Variants in ZNF169 observed in about 807,000 individuals in gnomAD.
ZNF169 encodes the protein zinc finger protein 169.
A neutral mutation model predicts 12.0 loss-of-function variants in ZNF169; 11 were observed. The observed-to-expected ratio is 0.92, with a 90% confidence interval of 0.58 to 1.52. The LOEUF is 1.52. Ranked by LOEUF, ZNF169 falls within the 40% of genes most tolerant of loss-of-function variation. The pLI, the probability that ZNF169 is intolerant of heterozygous loss-of-function variation, is 0.00. For synonymous variants in ZNF169, 302 were observed against 286.5 expected, an observed-to-expected ratio of 1.05 and a Z score of -0.55; for missense variants, 722 against 744.0, an observed-to-expected ratio of 0.97 and a Z score of 0.34.
At chr9:94,277,162 G>A (rs1291042594) in intron 1 of ZNF169, among the ~76,000 whole-genome samples, 1 of 152,150 alleles carries the variant, frequency 6.6e-6, no homozygotes, top group African/African-American at 2.4e-5. Context: ...ACATTTTCTG[G>A]TTGACGGTTG....
chr9:94,284,936 A>G (rs1830696587), intron 2 of ZNF169, among the ~76,000 whole-genome samples: 1 of 152,176 alleles, frequency 6.6e-6, no homozygotes, highest in African/African-American at 2.4e-5. Context: ...ACAATCTTGA[A>G]AAAGAAAACA....
chr9:94,287,545 T>C (rs531139349), intron 2 of ZNF169, among the ~76,000 whole-genome samples: 1 of 152,268 alleles, frequency 6.6e-6, no homozygotes, highest in African/African-American at 2.4e-5. Flanking sequence ...TTTGTATTTT[T>C]AGTAGAGACA....
At chr9:94,271,268 G>A (rs1372927312) in intron 1 of ZNF169, among the ~76,000 whole-genome samples, 2 of 150,540 alleles carry the variant, frequency 1.3e-5, no homozygotes, top group African/African-American at 2.4e-5. Flanking sequence ...GCTAATTTTT[G>A]TATTTTTTTG....
intron 2 of ZNF169, among the ~76,000 whole-genome samples, chr9:94,282,636 TC>T (rs1587680038): frequency 6.6e-6 from 1 of 152,216 alleles, no homozygotes; most frequent in Non-Finnish European, 1.5e-5. Context: ...GCTTGACTTT[TC>T]CCTTTAGCTT....
At chr9:94,264,325 G>A (rs1830254675) in intron 1 of ZNF169, among the ~76,000 whole-genome samples, 1 of 152,004 alleles carries the variant, frequency 6.6e-6, no homozygotes, top group Non-Finnish European at 1.5e-5. Flanking sequence ...TAGTAGAGAT[G>A]GGGTTTCACC....
intron 2 of ZNF169, among the ~76,000 whole-genome samples, chr9:94,292,025 A>G (rs576492885): frequency 1.3e-5 from 2 of 152,378 alleles, no homozygotes; most frequent in African/African-American, 4.8e-5. Flanking sequence ...GAATAGCTAA[A>G]TCAACTTTCA....
rs780374964 is a variant in ZNF169, at chr9:94,300,607, A to C, written c.1049A>C (p.Glu350Ala). 2 of 1,614,152 alleles carry C rather than the reference A, an allele frequency of 1.2e-6. No individual in the cohort carries two copies. Among genetic ancestry groups the C allele is most frequent in the Non-Finnish European group, 1.7e-6 (2 of 1,180,016 alleles). The change falls in exon 5 of 5, where the codon GAG becomes GCG. Residue 350 changes from glutamate (E) to alanine (A), a missense_variant. Coordinates refer to ENST00000395395, the MANE Select transcript of ZNF169 (RefSeq NM_194320.4). ...GAGGAGAAGCCCTTCGTGTGTCCTG[A>C]GTGTGGGAGAGGCTTTTGCCAGAAG... ...HLEEKPFVCP[E>A]CGRGFCQKAS...
chr9:94,278,914 C>A, intron 2 of ZNF169, 69 bp downstream of exon 2: 1 of 1,543,806 alleles, frequency 6.5e-7, no homozygotes, highest in Non-Finnish European at 8.9e-7. Context: ...CTGAAGGCTG[C>A]CTTCTTGGTG....
intron 1 of ZNF169, among the ~76,000 whole-genome samples, chr9:94,276,976 C>T (rs1305002315): frequency 1.3e-5 from 2 of 152,220 alleles, no homozygotes; most frequent in South Asian, 4.1e-4. Flanking sequence ...TGGCCCGTGA[C>T]ACAGCCCTCA....
chr9:94,266,893 T>C (rs1830301956), intron 1 of ZNF169, among the ~76,000 whole-genome samples: 1 of 149,008 alleles, frequency 6.7e-6, no homozygotes, highest in South Asian at 2.1e-4. Context: ...GCAGAAAGAA[T>C]AATTATTTTT....
chr9:94,301,159 G>A lies in ZNF169; in HGVS notation c.1601G>A (p.Arg534Lys). ...GQKSHLISDQ[R>K]THSGEKPCIC... is the part of the protein sequence containing the mutation. Reference sequence around the variant, plus strand: ...AAGTCACACCTTATCTCTGACCAAAGGACACACTCAGGAGAGAAGCCCTGC... The same window carrying A: ...AAGTCACACCTTATCTCTGACCAAAAGACACACTCAGGAGAGAAGCCCTGC... The change falls in exon 5 of 5, where the codon AGG (arginine) becomes AAG (lysine). Residue 534 changes from arginine (R) to lysine (K), a missense_variant. Transcript: ENST00000395395. The A allele has an allele frequency of 1.2e-6, 2 of 1,613,962 alleles. No homozygotes were observed. Among genetic ancestry groups the A allele is most frequent in the Non-Finnish European group, 1.7e-6 (2 of 1,179,982 alleles).
intron 2 of ZNF169, chr9:94,288,339 A>T (rs1388881818): frequency 2.9e-6 from 3 of 1,022,990 alleles, no homozygotes; most frequent in Non-Finnish European, 3.1e-6. Flanking sequence ...ATTTCTCTGT[A>T]AATGCCAGGC....
intron 4 of ZNF169, 185 bp downstream of exon 4, chr9:94,293,254 C>A: frequency 1.6e-6 from 1 of 618,564 alleles, no homozygotes; most frequent in Non-Finnish European, 2.9e-6. Context: ...CAGGGCACCC[C>A]TGGCATTCCA....
intron 2 of ZNF169, among the ~76,000 whole-genome samples, chr9:94,281,648 A>T (rs1354977840): frequency 6.6e-6 from 1 of 152,204 alleles, no homozygotes; most frequent in Non-Finnish European, 1.5e-5. Context: ...GTCAGTGTAC[A>T]GCTTAGTTTT....
At chr9:94,284,418 C>T (rs576642218) in intron 2 of ZNF169, among the ~76,000 whole-genome samples, 1 of 152,124 alleles carries the variant, frequency 6.6e-6, no homozygotes, top group African/African-American at 2.4e-5. Context: ...GAGTGAGACT[C>T]CATCTCAAAA....
At chr9:94,295,607 A>G (rs1282936782) in intron 4 of ZNF169, 1 of 152,152 alleles carries the variant, frequency 6.6e-6, no homozygotes, top group Middle Eastern at 3.2e-3. Context: ...GCTTTCTATA[A>G]TTATAGATTT....
chr9:94,296,161 T>C (rs946529439), intron 4 of ZNF169, among the ~76,000 whole-genome samples: 1 of 152,248 alleles, frequency 6.6e-6, no homozygotes, highest in Non-Finnish European at 1.5e-5. Context: ...TTATTTGCTA[T>C]CTTATATCTT....
Position 94,299,949 on chromosome 9 carries a change from C to T in ZNF169, c.391C>T (p.Leu131=), listed in dbSNP as rs543053106. Reference sequence around the variant, plus strand: ...CTCATCTGCAGGAGGTGACTTCCAACTAGAAGCTCCAAGATGCTCTAGTGA... The same window carrying T: ...CTCATCTGCAGGAGGTGACTTCCAATTAGAAGCTCCAAGATGCTCTAGTGA... ...PSSSAGGDFQ[L]EAPRCSSEKG... is the part of the protein sequence containing the mutation. Residue 131 remains leucine (L), a synonymous_variant, in exon 5 of 5, where the codon CTA becomes TTA. Transcript: ENST00000395395. 9.6e-5 allele frequency: 155 copies of T among 1,614,112 alleles called. No individual in the cohort carries two copies. The South Asian group carries it at 1.2e-3, about 13-fold the overall frequency.
At chr9:94,275,097 C>T (rs1014434386) in intron 1 of ZNF169, among the ~76,000 whole-genome samples, 4 of 152,054 alleles carry the variant, frequency 2.6e-5, no homozygotes, top group Non-Finnish European at 5.9e-5. Context: ...AATAGCCAGG[C>T]ATGGTGGCAC....
Sources: gnomAD v4.1 joint callset for allele counts (sites outside exome capture counted in the v4.1 genomes callset) on GRCh38, gnomAD v4.1.1 for gene constraint, MANE v1.5 for transcripts, NCBI Gene and HGNC (gene_info 2026-07-23, HGNC 2026-07-21) for gene names.